The following TECTB variants were observed in gnomAD, a reference collection of about 807,000 sequenced individuals.
TECTB encodes beta-tectorin.
In TECTB, 45 loss-of-function variants were observed where a neutral mutation model predicts 43.3. The ratio of observed to expected loss-of-function variants is 1.04; its 90% CI spans 0.82 to 1.33. TECTB has a LOEUF of 1.33. Among genes scored for constraint, TECTB ranks in the 40% most tolerant of loss-of-function variants. The pLI, the probability that TECTB is intolerant of heterozygous loss-of-function variation, is 0.00. For synonymous variants in TECTB, 169 were observed against 156.7 expected (o/e 1.08, Z -0.59); for missense variants, 399 against 404.7 (o/e 0.99, Z 0.12).
chr10:112,301,768 C>T (rs1184731270), intron 9 of TECTB, among the ~76,000 whole-genome samples: 2 of 151,886 alleles, frequency 1.3e-5, no homozygotes, highest in African/African-American at 4.8e-5. Context: ...TTTTTGAGAC[C>T]GTGTCGCCCA....
Position 112,304,873 on chromosome 10 carries a change from T to C in TECTB, c.*1561T>C, listed in dbSNP as rs1231969067. ...AAAAACAGAAGACATATTTTATTGG[T>C]TCTAGTAGAAAACTCTTAAATAGCA... On this transcript the variant is annotated 3_prime_UTR_variant, in exon 11 of 11. Coordinates refer to ENST00000646139, the MANE Select transcript of TECTB (RefSeq NM_058222.3). 1 of 152,194 alleles carries C rather than the reference T, an allele frequency of 6.6e-6. No homozygotes were observed. Among genetic ancestry groups the C allele is most frequent in the Non-Finnish European group, 1.5e-5 (1 of 68,032 alleles). 9.4% of individuals were successfully genotyped at this position (152,194 alleles called of 1,614,324 possible).
rs1434810154 is a variant in TECTB at position 112,291,168 on chromosome 10, A to T, written c.484-2570A>T. On this transcript the variant is annotated intron_variant, in intron 5 of 10. Transcript: ENST00000646139. ...CTCTCCCTCCCCCACCCCACCCACCAACAGGCCCCAGTGTGTGTTGTTCCC... is the reference window on the plus strand; with the variant it reads ...CTCTCCCTCCCCCACCCCACCCACCTACAGGCCCCAGTGTGTGTTGTTCCC... Among the ~76,000 whole-genome samples the T allele has an allele frequency of 2.7e-5, 4 of 147,374 alleles. No individual in the cohort carries two copies. The Admixed American group carries it at 2.7e-4, about 10-fold the overall frequency.
At chr10:112,299,805 C>T (rs965163405) in intron 9 of TECTB, 7 of 500,066 alleles carry the variant, frequency 1.4e-5, no homozygotes, top group African/African-American at 1.9e-5. Flanking sequence ...TCAAATACCC[C>T]CAAAGAATCA....
chr10:112,291,818 C>A (rs1848501503), intron 5 of TECTB, among the ~76,000 whole-genome samples: 1 of 152,126 alleles, frequency 6.6e-6, no homozygotes, highest in Non-Finnish European at 1.5e-5. Context: ...CCTTGCCCTT[C>A]CATGGTAATG....
At chr10:112,302,038 T>G in intron 9 of TECTB, 63 bp from the exon 10 acceptor site, 2 of 1,590,740 alleles carry the variant, frequency 1.3e-6, no homozygotes, top group Non-Finnish European at 1.7e-6. Flanking sequence ...AACATCACTC[T>G]GAGACTTCTC....
At chr10:112,293,657 C>T in intron 5 of TECTB, 81 bp from the exon 6 acceptor site, 2 of 1,248,168 alleles carry the variant, frequency 1.6e-6, no homozygotes, top group Non-Finnish European at 2.3e-6. Flanking sequence ...ATCCCCACCC[C>T]ATCCCAATTC....
Position 112,298,099 on chromosome 10 carries a change from T to G in TECTB, c.702T>G (p.His234Gln). 6.2e-7 allele frequency: 1 copy of G among 1,614,212 alleles called. No individual in the cohort carries two copies. Among genetic ancestry groups the G allele is most frequent in the African/African-American group, 1.3e-5 (1 of 75,058 alleles). Residue 234 changes from histidine (H) to glutamine (Q), a missense_variant, in exon 8 of 11, where the codon CAT becomes CAG. Transcript: ENST00000646139. ...GCPTDETVLV[H>Q]ENGRDHRATF... ...CCACGGATGAAACCGTCCTCGTGCA[T>G]GAGAATGGGAGAGATCACAGGGCAA...
rs1005282497 is a variant in TECTB, at chr10:112,295,146, T to A, written c.671+1085T>A. 4.6e-5 allele frequency among the ~76,000 whole-genome samples: 7 copies of A among 152,258 alleles called. No individual in the cohort carries two copies. The East Asian group carries it at 1.4e-3, about 29-fold the overall frequency. ...TAATTAGCAGTAAACAAAGAAGAGA[T>A]CATTCTCTAAACAAAGCATGTAACA... On this transcript the variant is annotated intron_variant, in intron 7 of 10. Coordinates refer to ENST00000646139, the MANE Select transcript of TECTB (RefSeq NM_058222.3).
At chr10:112,302,006 C>T in intron 9 of TECTB, 95 bp from the exon 10 acceptor site, 1 of 1,466,688 alleles carries the variant, frequency 6.8e-7, no homozygotes, top group Non-Finnish European at 9.4e-7. Context: ...CCGCAGCCCC[C>T]AGCCAGGTTT....
chr10:112,303,490 T>A lies in TECTB; in HGVS notation c.*178T>A. 2.7e-6 allele frequency: 2 copies of A among 744,444 alleles called. No individual in the cohort carries two copies. The highest frequency in any genetic ancestry group is 4.4e-6 in the Non-Finnish European group (2 of 456,154). The allele number at this position is 744,444 out of a possible 1,614,324, so 46.1% of individuals were successfully genotyped here. ...GTGAATTTGGTGATGCCTTTTTCTT[T>A]CTAAGAAAAACTTAGGCTACTTCCC... On this transcript the variant is annotated 3_prime_UTR_variant, in exon 11 of 11. Transcript: ENST00000646139.
At position 112,283,547 on chromosome 10, in the gene TECTB, C is replaced by T. The variant is rs147678156; in HGVS notation, c.-88+51C>T. On this transcript the variant is annotated intron_variant, in intron 1 of 10. Transcript: ENST00000646139. ...AGCGCTAACAGGAAACAATTAGAAA[C>T]GACACAACATCGTTTATCTCCCTTG... 1.1e-4 allele frequency: 68 copies of T among 591,832 alleles called. No individual in the cohort carries two copies. In the East Asian group the frequency reaches 1.6e-3, roughly 14 times the overall value. The allele number at this position is 591,832 out of a possible 1,614,324, so 36.7% of individuals were successfully genotyped here.
At chr10:112,298,303 G>A (rs1365991553) in intron 8 of TECTB, 72 bp downstream of exon 8, 2 of 1,544,668 alleles carry the variant, frequency 1.3e-6, no homozygotes, top group East Asian at 2.4e-5. Flanking sequence ...GAGTTTGAGT[G>A]GGGAGATCAT....
rs754614290 is a variant in TECTB at position 112,286,344 on chromosome 10, G to A, written c.436G>A (p.Gly146Arg). 43 of 1,611,516 alleles carry A rather than the reference G, an allele frequency of 2.7e-5. No individual in the cohort carries two copies. The highest frequency in any genetic ancestry group is 4.0e-5 in the African/African-American group (3 of 74,878). The change falls in exon 5 of 11, where the codon GGG (glycine) becomes AGG (arginine). Residue 146 changes from glycine to arginine, a missense_variant. By Grantham distance (125) the Gly-to-Arg change is moderately radical. Coordinates refer to ENST00000646139, the MANE Select transcript of TECTB (RefSeq NM_058222.3). ...AGTGGCCACTGTTCACGTGAAGAAC[G>A]GGAGCATGGGCACATTTGAGAGCCA... ...QRVATVHVKN[G>R]SMGTFESQLS...
chr10:112,293,596 T>G, intron 5 of TECTB, 142 bp from the exon 6 acceptor site: 1 of 680,538 alleles, frequency 1.5e-6, no homozygotes. Flanking sequence ...TTCTCTGGTC[T>G]TGGAGGATCA....
chr10:112,303,481 C>T lies in TECTB; in HGVS notation c.*169C>T. 2.6e-6 allele frequency: 2 copies of T among 781,542 alleles called. No individual in the cohort carries two copies. The highest frequency in any genetic ancestry group is 1.9e-5 in the South Asian group (1 of 52,432). 48.4% of individuals were successfully genotyped at this position (781,542 alleles called of 1,614,324 possible). A position where few individuals can be genotyped will look rare whatever the true frequency, so the allele number is the denominator to read the frequency against. Reference sequence around the variant, plus strand: ...ATAATTTCTGTGAATTTGGTGATGCCTTTTTCTTTCTAAGAAAAACTTAGG... The same window carrying T: ...ATAATTTCTGTGAATTTGGTGATGCTTTTTTCTTTCTAAGAAAAACTTAGG... On this transcript the variant is annotated 3_prime_UTR_variant, in exon 11 of 11. Transcript: ENST00000646139.
intron 10 of TECTB, 93 bp from the exon 11 acceptor site, chr10:112,303,170 T>C: frequency 6.8e-7 from 1 of 1,469,364 alleles, no homozygotes; most frequent in Non-Finnish European, 9.5e-7. Flanking sequence ...TGTGGAATTT[T>C]ATGAAGACCC....
intron 7 of TECTB, among the ~76,000 whole-genome samples, chr10:112,294,962 G>A (rs1848532995): frequency 6.6e-6 from 1 of 152,102 alleles, no homozygotes; most frequent in Non-Finnish European, 1.5e-5. Context: ...TTTGGCTGTT[G>A]GAGAAGGAGG....
intron 2 of TECTB, 146 bp downstream of exon 2, chr10:112,283,956 C>A: frequency 2.5e-6 from 2 of 811,920 alleles, no homozygotes; most frequent in African/African-American, 1.7e-5. Flanking sequence ...CCTCCAATAC[C>A]AATCAGACTT....
At chr10:112,292,119 G>C (rs1172530967) in intron 5 of TECTB, among the ~76,000 whole-genome samples, 1 of 147,216 alleles carries the variant, frequency 6.8e-6, no homozygotes, top group East Asian at 2.0e-4. Flanking sequence ...CTGGGTGACA[G>C]AGCAAGACTC....
Sources: gnomAD v4.1 joint callset for allele counts (sites outside exome capture counted in the v4.1 genomes callset) on GRCh38, gnomAD v4.1.1 for gene constraint, MANE v1.5 for transcripts, NCBI Gene and HGNC (gene_info 2026-07-23, HGNC 2026-07-21) for gene names.